The following DAZAP2 variants were observed in gnomAD, a reference collection of about 807,000 sequenced individuals.
DAZAP2 encodes DAZ associated protein 2.
Under a neutral mutation model 16.2 loss-of-function variants are expected in DAZAP2, and 3 were observed. That is an observed-to-expected ratio of 0.19 (90% confidence interval 0.08 to 0.48). DAZAP2 has a LOEUF of 0.48. Ranked by LOEUF, DAZAP2 falls within the 20% of genes least tolerant of loss-of-function variation. DAZAP2 has a pLI of 0.98. For synonymous variants in DAZAP2, 69 were observed against 77.6 expected (o/e 0.89, Z 0.58); for missense variants, 172 against 215.9 (o/e 0.80, Z 1.27).
At chr12:51,241,254 G>A (rs928132714) in intron 3 of DAZAP2, 138 bp downstream of exon 3, 4 of 1,357,768 alleles carry the variant, frequency 2.9e-6, no homozygotes, top group African/African-American at 2.9e-5. Flanking sequence ...TACTCAGGCA[G>A]AAAGTGTTTG....
intron 2 of DAZAP2, 168 bp from the exon 3 acceptor site, chr12:51,240,703 A>G: frequency 1.0e-6 from 1 of 983,218 alleles, no homozygotes; most frequent in East Asian, 2.6e-5. Flanking sequence ...AACATTAGCT[A>G]TAGCAGAAAG....
At chr12:51,246,280 T>C, downstream of DAZAP2, 2 of 1,010,886 alleles carry the variant, frequency 2.0e-6, no homozygotes, top group Non-Finnish European at 2.8e-6. Flanking sequence ...CCAACCCCAA[T>C]TTCCATGGCA....
At chr12:51,239,013 G>C in intron 1 of DAZAP2, 93 bp downstream of exon 1, 1 of 1,557,194 alleles carries the variant, frequency 6.4e-7, no homozygotes, top group Middle Eastern at 1.9e-4. Flanking sequence ...CGCCAGGTTT[G>C]GGGTGGGCTG....
chr12:51,245,445 G>A (rs1477770258), downstream of DAZAP2: 2 of 153,238 alleles, frequency 1.3e-5, no homozygotes, highest in East Asian at 1.9e-4. Context: ...ATTAGGGGGT[G>A]TAGCACATTT....
downstream of DAZAP2, chr12:51,246,112 GA>G: frequency 6.2e-7 from 1 of 1,613,830 alleles, no homozygotes; most frequent in Non-Finnish European, 8.5e-7. Flanking sequence ...AGACAACGGT[GA>G]TAACAACTTG....
chr12:51,242,462 A>G lies in DAZAP2; in HGVS notation c.*4A>G. ...TGGTGGCTACACCATCTGGTGAGGAACCAAGGCCACCTCTGTGCCGGGAAA... is the reference window on the plus strand; with the variant it reads ...TGGTGGCTACACCATCTGGTGAGGAGCCAAGGCCACCTCTGTGCCGGGAAA... On this transcript the variant is annotated 3_prime_UTR_variant, in exon 4 of 4. Transcript: ENST00000412716. 6.2e-7 allele frequency: 1 copy of G among 1,614,102 alleles called. No homozygotes were observed. The highest frequency in any genetic ancestry group is 8.5e-7 in the Non-Finnish European group (1 of 1,180,040).
downstream of DAZAP2, chr12:51,246,265 C>T (rs1944768986): frequency 8.9e-7 from 1 of 1,127,022 alleles, no homozygotes; most frequent in Admixed American, 2.8e-5. Flanking sequence ...ACCCATGTTC[C>T]CCCACCAACC....
Position 51,243,801 on chromosome 12 carries a change from TCTTTA to T in DAZAP2, c.*1347_*1351del. The T allele has an allele frequency of 1.0e-6, 1 of 985,470 alleles. No homozygotes were observed. Among genetic ancestry groups the T allele is most frequent in the Non-Finnish European group, 1.2e-6 (1 of 829,648 alleles). The allele number at this position is 985,470 out of a possible 1,614,324, so 61.0% of individuals were successfully genotyped here. Reference sequence around the variant, plus strand: ...TTGCATTACACCTCACTGCAAGGATTCTTTACTTAGCTTGTTTTTAGATTTCTTCT... The same window carrying T: ...TTGCATTACACCTCACTGCAAGGATTCTTAGCTTGTTTTTAGATTTCTTCT... On this transcript the variant is annotated 3_prime_UTR_variant, in exon 4 of 4. Transcript: ENST00000412716.
chr12:51,244,157 T>G (rs1343172496), downstream of DAZAP2, among the ~76,000 whole-genome samples: 1 of 152,220 alleles, frequency 6.6e-6, no homozygotes, highest in African/African-American at 2.4e-5. Flanking sequence ...GGAGAAATAC[T>G]GAAAACTCAT....
In DAZAP2 at chr12:51,241,113, T is replaced by C; in HGVS notation, c.375T>C (p.Ile125=). The C allele has an allele frequency of 3.1e-6, 5 of 1,614,158 alleles. No individual in the cohort carries two copies. Among genetic ancestry groups the C allele is most frequent in the Non-Finnish European group, 4.2e-6 (5 of 1,180,034 alleles). Residue 125 remains isoleucine, a synonymous_variant, in exon 3 of 4, where the codon ATT becomes ATC. Transcript: ENST00000412716. ...GAGCTGGGGCTACTGCTGGCAACAT[T>C]CCTGTGAGTATGACCTCATCAGAAG... The part of the protein sequence containing the change: ...RFGAGATAGN[I]PPPPPGCPPN...
At position 51,238,923 on chromosome 12, in the gene DAZAP2, A is replaced by G. The variant is rs111792950; in HGVS notation, c.13+3A>G. ...CGCAACCACCATGAACAGCAAAGGC[A>G]AGGACCGAGGGTGGCAGAGGCCGTC... On this transcript the variant is annotated splice_donor_region_variant and intron_variant, in intron 1 of 3. Coordinates refer to ENST00000412716, the MANE Select transcript of DAZAP2 (RefSeq NM_014764.4). The G allele has an allele frequency of 9.3e-6, 15 of 1,613,426 alleles. No homozygotes were observed. The highest frequency in any genetic ancestry group is 1.3e-5 in the African/African-American group (1 of 74,970).
At chr12:51,244,181 C>A (rs1944733098), downstream of DAZAP2, among the ~76,000 whole-genome samples, 1 of 152,142 alleles carries the variant, frequency 6.6e-6, no homozygotes. Context: ...ATCTAGGTTG[C>A]CAAGATAGAT....
At chr12:51,245,955 CCT>C (rs1321253054), downstream of DAZAP2, 3 of 1,613,154 alleles carry the variant, frequency 1.9e-6, no homozygotes, top group Admixed American at 1.7e-5. Flanking sequence ...ATGAAATATT[CCT>C]CTTTCTCGCT....
chr12:51,243,302 A>G lies in DAZAP2; in HGVS notation c.*844A>G, dbSNP rs1329057200. The G allele has an allele frequency of 2.0e-6, 2 of 985,892 alleles. No homozygotes were observed. The highest frequency in any genetic ancestry group is 2.4e-6 in the Non-Finnish European group (2 of 829,956). 61.1% of individuals were successfully genotyped at this position (985,892 alleles called of 1,614,324 possible). Reference sequence around the variant, plus strand: ...CTGTGAACAACAGTTGGTTTAAAATATGAGGGGCAAGGAGGAGGATGCATT... The same window carrying G: ...CTGTGAACAACAGTTGGTTTAAAATGTGAGGGGCAAGGAGGAGGATGCATT... On this transcript the variant is annotated 3_prime_UTR_variant, in exon 4 of 4. Coordinates refer to ENST00000412716, the MANE Select transcript of DAZAP2 (RefSeq NM_014764.4).
intron 3 of DAZAP2, among the ~76,000 whole-genome samples, chr12:51,241,323 C>G (rs569997556): frequency 7.9e-4 from 121 of 152,244 alleles, no homozygotes; most frequent in African/African-American, 2.7e-3. Flanking sequence ...TAACCAGATT[C>G]TTTTGTTTTC....
downstream of DAZAP2, chr12:51,246,676 A>G: frequency 9.0e-7 from 1 of 1,111,648 alleles, no homozygotes; most frequent in South Asian, 1.8e-5. Flanking sequence ...CCATTAATGG[A>G]TTTGGTCAGG....
downstream of DAZAP2, among the ~76,000 whole-genome samples, chr12:51,244,164 T>C (rs955140140): frequency 3.2e-4 from 48 of 152,322 alleles, no homozygotes; most frequent in African/African-American, 1.1e-3. Flanking sequence ...TACTGAAAAC[T>C]CATAGAATCT....
At chr12:51,244,064 T>A, downstream of DAZAP2, 1 of 351,650 alleles carries the variant, frequency 2.8e-6, no homozygotes, top group Non-Finnish European at 4.0e-6. Flanking sequence ...TAACTTGCTC[T>A]AAAGTTTGGC....
Position 51,243,676 on chromosome 12 carries a change from G to C in DAZAP2, c.*1218G>C. The C allele has an allele frequency of 1.0e-6, 1 of 985,742 alleles. No homozygotes were observed. The allele number at this position is 985,742 out of a possible 1,614,324, so 61.1% of individuals were successfully genotyped here. A position where few individuals can be genotyped will look rare whatever the true frequency, so the allele number is the denominator to read the frequency against. ...TTGACTGTTATGGAAGTTCAGCGTTGTATGTCTCTCTCTACACTGTGGTGC... is the reference window on the plus strand; with the variant it reads ...TTGACTGTTATGGAAGTTCAGCGTTCTATGTCTCTCTCTACACTGTGGTGC... On this transcript the variant is annotated 3_prime_UTR_variant, in exon 4 of 4. Transcript: ENST00000412716.
Sources: allele counts gnomAD v4.1 joint callset (sites outside exome capture counted in the v4.1 genomes callset), GRCh38; gene constraint gnomAD v4.1.1; transcripts MANE v1.5; gene names NCBI Gene and HGNC (gene_info 2026-07-23, HGNC 2026-07-21).